The following STEAP1B variants were observed in gnomAD, a reference collection of about 807,000 sequenced individuals.
STEAP1B encodes the protein STEAP family member 1B.
STEAP1B carries 13 observed loss-of-function variants against 27.9 expected under a neutral mutation model. The ratio of observed to expected loss-of-function variants is 0.47; its 90% confidence interval spans 0.30 to 0.74. The LOEUF (loss-of-function observed/expected upper bound fraction) is 0.74. Ranked by LOEUF, STEAP1B falls within the 30% of genes least tolerant of loss-of-function variation. STEAP1B has a pLI of 0.06. For synonymous variants in STEAP1B, 86 were observed against 107.1 expected (o/e 0.80, Z 1.22); for missense variants, 250 against 298.7 (o/e 0.84, Z 1.20).
intron 4 of STEAP1B, among the ~76,000 whole-genome samples, chr7:22,458,430 A>C (rs1048089899): frequency 2.0e-5 from 3 of 151,706 alleles, no homozygotes; most frequent in Non-Finnish European, 4.4e-5. Context: ...GGTGGCCTGA[A>C]GCCACTTATA....
At chr7:22,426,188 T>C (rs1487336859) in intron 4 of STEAP1B, among the ~76,000 whole-genome samples, 1 of 73,128 alleles carries the variant, frequency 1.4e-5, no homozygotes, top group Non-Finnish European at 3.5e-5. Flanking sequence ...TCCTGGGCAC[T>C]GCATAAAAAA....
chr7:22,460,761 ACCACCCCGGAGGCAG>A (rs1785664720), intron 4 of STEAP1B, among the ~76,000 whole-genome samples: 1 of 152,162 alleles, frequency 6.6e-6, no homozygotes, highest in Non-Finnish European at 1.5e-5. Context: ...CAACTCCTGA[ACCACCCCGGAGGCAG>A]CAGCAGACTT....
chr7:22,458,777 C>A (rs1785630688), intron 4 of STEAP1B, among the ~76,000 whole-genome samples: 1 of 152,056 alleles, frequency 6.6e-6, no homozygotes, highest in Non-Finnish European at 1.5e-5. Context: ...CAGCCAAGGA[C>A]TAGATTGTGG....
intron 4 of STEAP1B, among the ~76,000 whole-genome samples, chr7:22,456,974 T>TATATATATATATATATATATA (rs1562573770): frequency 2.0e-5 from 1 of 50,236 alleles, no homozygotes; most frequent in African/African-American, 8.8e-5. Context: ...ATATATATAT[T>TATATATATATATATATATATA]TTTTTTTTTT....
intron 4 of STEAP1B, among the ~76,000 whole-genome samples, chr7:22,483,738 G>T (rs1217447651): frequency 6.6e-6 from 1 of 152,132 alleles, no homozygotes; most frequent in Non-Finnish European, 1.5e-5. Context: ...GGCTATTTAG[G>T]GTTACTAACT....
chr7:22,484,379 C>T (rs921039163), intron 4 of STEAP1B, among the ~76,000 whole-genome samples: 1 of 152,174 alleles, frequency 6.6e-6, no homozygotes, highest in African/African-American at 2.4e-5. Flanking sequence ...TCTACTCAGC[C>T]TGTGCTCTAG....
At chr7:22,499,429 C>T (rs1786498165) in intron 1 of STEAP1B, among the ~76,000 whole-genome samples, 1 of 151,900 alleles carries the variant, frequency 6.6e-6, no homozygotes, top group African/African-American at 2.4e-5. Context: ...TGCTTTCCCT[C>T]TGTGCTTAAC....
At chr7:22,453,684 C>T (rs375110275) in intron 4 of STEAP1B, among the ~76,000 whole-genome samples, 2 of 152,208 alleles carry the variant, frequency 1.3e-5, no homozygotes, top group East Asian at 3.9e-4. Context: ...CAAAAAGATC[C>T]CTTGTGTCCC....
chr7:22,432,373 T>TAATAAATA (rs147989425), intron 4 of STEAP1B, among the ~76,000 whole-genome samples: 2,066 of 137,580 alleles, frequency 0.015, 34 homozygotes, highest in African/African-American at 0.036. Context: ...ACCCTATACC[T>TAATAAATA]AATAAATAAA....
chr7:22,431,654 T>C (rs1785189523), intron 4 of STEAP1B, among the ~76,000 whole-genome samples: 1 of 152,238 alleles, frequency 6.6e-6, no homozygotes, highest in African/African-American at 2.4e-5. Context: ...AATGCATCAC[T>C]CCAGCTTTTT....
intron 4 of STEAP1B, among the ~76,000 whole-genome samples, chr7:22,472,702 T>C (rs779644418): frequency 9.9e-5 from 15 of 152,186 alleles, no homozygotes; most frequent in Non-Finnish European, 1.9e-4. Context: ...CACAGCAGTC[T>C]TCCTTCCCTG....
chr7:22,462,606 C>T (rs1284096706), intron 4 of STEAP1B, among the ~76,000 whole-genome samples: 2 of 142,448 alleles, frequency 1.4e-5, no homozygotes, highest in East Asian at 4.0e-4. Context: ...GTATATGTGC[C>T]ACATTTTGTT....
chr7:22,431,531 T>C (rs1391734113), intron 4 of STEAP1B, among the ~76,000 whole-genome samples: 1 of 152,230 alleles, frequency 6.6e-6, no homozygotes, highest in Non-Finnish European at 1.5e-5. Flanking sequence ...ACTATGCTTA[T>C]GGAGTGAGGT....
At position 22,432,320 on chromosome 7, in the gene STEAP1B, T is replaced by G. The variant is rs1433291991; in HGVS notation, c.763-12484A>C. Among the ~76,000 whole-genome samples, 5 of 151,708 alleles carry G rather than the reference T, an allele frequency of 3.3e-5. No individual in the cohort carries two copies. In the East Asian group the frequency reaches 9.7e-4, roughly 29 times the overall value. ...TTGGGAGGCTGAGGTGGGAAGATCA[T>G]TTGAGGCCATGAGTTTGAGACCAGC... On this transcript the variant is annotated intron_variant, in intron 4 of 4. Transcript: ENST00000678116.
intron 4 of STEAP1B, among the ~76,000 whole-genome samples, chr7:22,460,614 A>C (rs1041801873): frequency 2.6e-5 from 4 of 152,160 alleles, no homozygotes; most frequent in Admixed American, 2.0e-4. Context: ...AAGAGCGCAC[A>C]GGCAGTGAGG....
At chr7:22,475,277 G>C (rs1785951782) in intron 4 of STEAP1B, among the ~76,000 whole-genome samples, 1 of 152,208 alleles carries the variant, frequency 6.6e-6, no homozygotes, top group South Asian at 2.1e-4. Context: ...ATGGTATACA[G>C]TCACATCCGC....
At chr7:22,481,191 G>A (rs1421840783) in intron 4 of STEAP1B, among the ~76,000 whole-genome samples, 1 of 152,168 alleles carries the variant, frequency 6.6e-6, no homozygotes, top group African/African-American at 2.4e-5. Context: ...GTTTCTGTGG[G>A]TCCCTTGGCC....
chr7:22,454,865 A>G (rs60152576), intron 4 of STEAP1B, among the ~76,000 whole-genome samples: 1 of 126,164 alleles, frequency 7.9e-6, no homozygotes, highest in Non-Finnish European at 1.6e-5. Flanking sequence ...ATATATATAT[A>G]TTTTTTTTTT....
intron 4 of STEAP1B, among the ~76,000 whole-genome samples, chr7:22,434,316 C>T (rs1011715748): frequency 6.6e-6 from 1 of 152,176 alleles, no homozygotes; most frequent in African/African-American, 2.4e-5. Context: ...TGCTGTCTCC[C>T]GCCAACTCCA....
Sources: allele counts gnomAD v4.1 joint callset (sites outside exome capture counted in the v4.1 genomes callset), GRCh38; gene constraint gnomAD v4.1.1; transcripts MANE v1.5; gene names NCBI Gene and HGNC (gene_info 2026-07-23, HGNC 2026-07-21).